Variants in MGAT3 observed in about 807,000 individuals in gnomAD.
The protein encoded by MGAT3 is GlcNAc-T III.
Under a neutral mutation model 29.8 loss-of-function variants are expected in MGAT3, and 9 were observed. The ratio of observed to expected loss-of-function variants is 0.30; its 90% CI spans 0.18 to 0.53. MGAT3 has a LOEUF of 0.53. Among genes scored for constraint, MGAT3 ranks in the 20% least tolerant of loss-of-function variants. The probability of loss-of-function intolerance (pLI) is 0.96; values close to 1 mark genes in which losing one functional copy is unlikely to be tolerated. For synonymous variants in MGAT3, 397 were observed against 348.9 expected, an observed-to-expected ratio of 1.14 and a Z score of -1.54; for missense variants, 557 against 769.5, an observed-to-expected ratio of 0.72 and a Z score of 3.27.
chr22:39,462,979 C>A (rs1371438512), intron 1 of MGAT3, among the ~76,000 whole-genome samples: 1 of 151,930 alleles, frequency 6.6e-6, no homozygotes, highest in African/African-American at 2.4e-5. Flanking sequence ...TCCGGCTGCC[C>A]TCTCTGGGCA....
chr22:39,471,451 TAATTAATCATCTGCCC>T (rs1158071236), intron 1 of MGAT3, among the ~76,000 whole-genome samples: 1 of 152,158 alleles, frequency 6.6e-6, no homozygotes, highest in Non-Finnish European at 1.5e-5. Flanking sequence ...GCTTTGTTAA[TAATTAATCATCTGCCC>T]AATTAATAAT....
At chr22:39,466,251 G>A (rs1928642557) in intron 1 of MGAT3, among the ~76,000 whole-genome samples, 1 of 152,156 alleles carries the variant, frequency 6.6e-6, no homozygotes, top group African/African-American at 2.4e-5. Flanking sequence ...GTCTGATTCT[G>A]GGGCCACCGC....
At chr22:39,480,583 A>G (rs17001155) in intron 1 of MGAT3, among the ~76,000 whole-genome samples, 47 of 151,848 alleles carry the variant, frequency 3.1e-4, no homozygotes, top group African/African-American at 1.1e-3. Context: ...TCTAGACAGC[A>G]TGCTGCAGAG....
At chr22:39,485,537 T>A (rs946680591) in intron 1 of MGAT3, among the ~76,000 whole-genome samples, 1 of 152,204 alleles carries the variant, frequency 6.6e-6, no homozygotes, top group African/African-American at 2.4e-5. Flanking sequence ...ATGCCTGTAA[T>A]CTCAGCACTT....
Position 39,487,951 on chromosome 22 carries a change from A to G in MGAT3, c.604A>G (p.Arg202Gly). 2 of 1,609,608 alleles carry G rather than the reference A, an allele frequency of 1.2e-6. No individual in the cohort carries two copies. The highest frequency in any genetic ancestry group is 1.7e-6 in the Non-Finnish European group (2 of 1,178,936). ...GCCCACCAAGGAGCGGCTGGTGCCC[A>G]GGGAGGTGCCGCGCCGCGTCATCAA... ...NLPTKERLVP[R>G]EVPRRVINAI... Residue 202 changes from arginine (R) to glycine (G), a missense_variant, in exon 2 of 2, where the codon AGG becomes GGG. Coordinates refer to ENST00000341184, the MANE Select transcript of MGAT3 (RefSeq NM_002409.5). The surrounding 1 kb of genome is among the most constrained non-coding windows in gnomAD (Gnocchi z 5.7).
Position 39,482,770 on chromosome 22 carries a change from T to G in MGAT3, c.-1-4577T>G, listed in dbSNP as rs539368696. 2.0e-5 allele frequency among the ~76,000 whole-genome samples: 3 copies of G among 152,304 alleles called. No individual in the cohort carries two copies. The East Asian group carries it at 5.8e-4, about 29-fold the overall frequency. On this transcript the variant is annotated intron_variant, in intron 1 of 1. Transcript: ENST00000341184. Reference sequence around the variant, plus strand: ...ATGCTCTGGCTGACCACTGTGTGCTTCTGAGCCTCCTAGCAGCCTGAGTGA... The same window carrying G: ...ATGCTCTGGCTGACCACTGTGTGCTGCTGAGCCTCCTAGCAGCCTGAGTGA...
rs965338572 is a variant in MGAT3 at position 39,477,358 on chromosome 22, A to G, written c.-1-9989A>G. Among the ~76,000 whole-genome samples, 7 of 152,276 alleles carry G rather than the reference A, an allele frequency of 4.6e-5. No individual in the cohort carries two copies. The East Asian group carries it at 1.3e-3, about 29-fold the overall frequency. Reference sequence around the variant, plus strand: ...GTCCTGAATGCCTGGTGAGTTACTGAGAAAGGCCCTACAGGCTGAGGGTGC... The same window carrying G: ...GTCCTGAATGCCTGGTGAGTTACTGGGAAAGGCCCTACAGGCTGAGGGTGC... On this transcript the variant is annotated intron_variant, in intron 1 of 1. Transcript: ENST00000341184.
At position 39,489,409 on chromosome 22, in the gene MGAT3, G is replaced by A. The variant is rs1929390896; in HGVS notation, c.*460G>A. 5.1e-6 allele frequency: 1 copy of A among 197,802 alleles called. No homozygotes were observed. Among genetic ancestry groups the A allele is most frequent in the Admixed American group, 5.4e-5 (1 of 18,550 alleles). 12.3% of individuals were successfully genotyped at this position (197,802 alleles called of 1,614,324 possible). A position where few individuals can be genotyped will look rare whatever the true frequency, so the allele number is the denominator to read the frequency against. On this transcript the variant is annotated 3_prime_UTR_variant, in exon 2 of 2. Transcript: ENST00000341184. ...GCCAGGAGGACCCAGGGCTCTGTAA[G>A]TAGATGCATTTGGGTCCAGGAGGAA...
chr22:39,458,564 A>T (rs768464862), intron 1 of MGAT3, among the ~76,000 whole-genome samples: 1 of 152,130 alleles, frequency 6.6e-6, no homozygotes, highest in Non-Finnish European at 1.5e-5. Flanking sequence ...CCCCACCCCC[A>T]GGAGCTGCAG....
intron 1 of MGAT3, among the ~76,000 whole-genome samples, chr22:39,483,597 C>T (rs1343621575): frequency 1.3e-5 from 2 of 152,178 alleles, no homozygotes; most frequent in Non-Finnish European, 2.9e-5. Flanking sequence ...TGGAAGCTTC[C>T]GCCATGCTAA....
rs900624722 is a variant in MGAT3, at chr22:39,489,319, C to T, written c.*370C>T. 7.3e-5 allele frequency: 20 copies of T among 275,052 alleles called. No individual in the cohort carries two copies. Among genetic ancestry groups the T allele is most frequent in the Non-Finnish European group, 1.2e-4 (17 of 136,092 alleles). The allele number at this position is 275,052 out of a possible 1,614,324, so 17.0% of individuals were successfully genotyped here. ...CACCAGGCAGCCTCTGGGGGGTGGC[C>T]AGGCCGGGAAAAAGCCCACCATTTG... On this transcript the variant is annotated 3_prime_UTR_variant, in exon 2 of 2. Coordinates refer to ENST00000341184, the MANE Select transcript of MGAT3 (RefSeq NM_002409.5).
chr22:39,479,091 A>G (rs1476111959), intron 1 of MGAT3, among the ~76,000 whole-genome samples: 3 of 152,294 alleles, frequency 2.0e-5, no homozygotes, highest in East Asian at 3.9e-4. Flanking sequence ...CACGCTTGCA[A>G]TCCCAACACT....
chr22:39,467,260 G>A (rs1372489088), intron 1 of MGAT3, among the ~76,000 whole-genome samples: 1 of 152,172 alleles, frequency 6.6e-6, no homozygotes, highest in Non-Finnish European at 1.5e-5. Context: ...CTGTCTTGTG[G>A]AGCCATTGCA....
intron 1 of MGAT3, among the ~76,000 whole-genome samples, chr22:39,478,594 G>A (rs892611231): frequency 9.2e-5 from 14 of 152,188 alleles, no homozygotes; most frequent in African/African-American, 3.1e-4. Context: ...GGCCAGCACG[G>A]GCAAGCTCAG....
chr22:39,477,180 A>G (rs1180069042), intron 1 of MGAT3, among the ~76,000 whole-genome samples: 1 of 152,206 alleles, frequency 6.6e-6, no homozygotes, highest in Non-Finnish European at 1.5e-5. Flanking sequence ...TAGCAGCCCA[A>G]AGGGATTGGA....
chr22:39,476,254 G>A (rs1210371271), intron 1 of MGAT3, among the ~76,000 whole-genome samples: 1 of 152,194 alleles, frequency 6.6e-6, no homozygotes, highest in Non-Finnish European at 1.5e-5. Context: ...CCTTTGGCAA[G>A]GCCTCCACCC....
At chr22:39,464,836 T>C (rs1265338566) in intron 1 of MGAT3, among the ~76,000 whole-genome samples, 1 of 152,016 alleles carries the variant, frequency 6.6e-6, no homozygotes, top group Non-Finnish European at 1.5e-5. Context: ...CTGTAAGCTC[T>C]GCCTCCCAGG....
At position 39,489,099 on chromosome 22, in the gene MGAT3, C is replaced by T. The variant is rs1032806627; in HGVS notation, c.*150C>T. On this transcript the variant is annotated 3_prime_UTR_variant, in exon 2 of 2. Coordinates refer to ENST00000341184, the MANE Select transcript of MGAT3 (RefSeq NM_002409.5). The stretch of plus-strand genomic sequence containing the variant: ...GGGGTAGGGTTTCCCTACTGAAGCC[C>T]TTGTGAATCAAGGGTCAGGCCTTTG... The T allele has an allele frequency of 9.4e-7, 1 of 1,064,920 alleles. No homozygotes were observed. Among genetic ancestry groups the T allele is most frequent in the South Asian group, 1.7e-5 (1 of 59,406 alleles). The allele number at this position is 1,064,920 out of a possible 1,614,324, so 66.0% of individuals were successfully genotyped here.
At chr22:39,467,548 C>T (rs893919592) in intron 1 of MGAT3, among the ~76,000 whole-genome samples, 2 of 152,024 alleles carry the variant, frequency 1.3e-5, no homozygotes, top group Admixed American at 6.6e-5. Flanking sequence ...CTGGGCACCG[C>T]GAAGAGAATA....
Sources: gnomAD v4.1 joint callset for allele counts (sites outside exome capture counted in the v4.1 genomes callset) on GRCh38, gnomAD v4.1.1 for gene constraint, Gnocchi (gnomAD v3.1) non-coding constraint, MANE v1.5 for transcripts, NCBI Gene and HGNC (gene_info 2026-07-23, HGNC 2026-07-21) for gene names.